THSD7A: variants seen among roughly 807,000 people sequenced by gnomAD.
THSD7A encodes the protein thrombospondin type-1 domain-containing protein 7A.
THSD7A carries 96 observed loss-of-function variants against 231.3 expected under a neutral mutation model. The ratio of observed to expected loss-of-function variants is 0.41; its 90% CI spans 0.35 to 0.49. The LOEUF (loss-of-function observed/expected upper bound fraction) is 0.49. Ranked by LOEUF, THSD7A falls within the 20% of genes least tolerant of loss-of-function variation. THSD7A has a pLI of 0.05. For synonymous variants in THSD7A, 940 were observed against 743.3 expected (o/e 1.26, Z -4.30); for missense variants, 2,290 against 2,070.2 (o/e 1.11, Z -2.06).
intron 4 of THSD7A, among the ~76,000 whole-genome samples, chr7:11,570,659 T>C (rs374712382): frequency 6.6e-6 from 1 of 152,224 alleles, no homozygotes; most frequent in East Asian, 1.9e-4. Context: ...TTTAATATTT[T>C]ACATCATTCA....
intron 1 of THSD7A, among the ~76,000 whole-genome samples, chr7:11,819,931 T>G (rs1356826170): frequency 6.6e-6 from 1 of 152,212 alleles, no homozygotes. Context: ...AAGGCAACTC[T>G]GTACTTTCTG....
intron 1 of THSD7A, among the ~76,000 whole-genome samples, chr7:11,674,853 T>C (rs569015634): frequency 3.5e-4 from 53 of 152,130 alleles, no homozygotes; most frequent in Admixed American, 1.0e-3. Context: ...ATTGAGAATA[T>C]GAATAACGAG....
intron 1 of THSD7A, among the ~76,000 whole-genome samples, chr7:11,753,922 A>G (rs1431845270): frequency 6.6e-6 from 1 of 152,044 alleles, no homozygotes; most frequent in Non-Finnish European, 1.5e-5. Context: ...ACAGAGGCAT[A>G]GAAACTCAAC....
chr7:11,636,615 G>A lies in THSD7A; in HGVS notation c.537C>T (p.Pro179=), dbSNP rs770575157. The A allele has an allele frequency of 7.4e-6, 12 of 1,613,952 alleles. No homozygotes were observed. In the South Asian group the frequency reaches 1.3e-4, roughly 18 times the overall value. The change falls in exon 2 of 28, where the codon CCC becomes CCT. Residue 179 remains proline, a synonymous_variant. Coordinates refer to ENST00000423059, the MANE Select transcript of THSD7A (RefSeq NM_015204.3). The surrounding 1 kb of genome is among the most constrained non-coding windows in gnomAD (Gnocchi z 10.0). ...AEDIICEYFE[P]KPLLEQACLI... ...GGCAAGCCTGCTCCAGGAGAGGCTT[G>A]GGCTCAAAGTACTCACAGATGATAT... is the stretch of plus-strand genomic sequence containing the variant.
At chr7:11,519,961 G>A (rs1488326892) in intron 6 of THSD7A, 2 of 152,026 alleles carry the variant, frequency 1.3e-5, no homozygotes, top group African/African-American at 4.8e-5. Context: ...TTTTCAGAAT[G>A]CATGTGCTCC....
rs954325124 is a variant in THSD7A at position 11,652,500 on chromosome 7, A to G, written c.191-15539T>C. On this transcript the variant is annotated intron_variant, in intron 1 of 27. Transcript: ENST00000423059. ...AATAATTTCTGTCCTACTAAGTGCCATCATCATTATAAAGGATTAGAAGAG... is the reference window on the plus strand; with the variant it reads ...AATAATTTCTGTCCTACTAAGTGCCGTCATCATTATAAAGGATTAGAAGAG... Among the ~76,000 whole-genome samples, 4 of 152,108 alleles carry G rather than the reference A, an allele frequency of 2.6e-5. No individual in the cohort carries two copies. In the East Asian group the frequency reaches 7.8e-4, roughly 30 times the overall value.
chr7:11,566,965 T>TAGCGGGAGGGGGGGGGGGGGGGGG, intron 4 of THSD7A, among the ~76,000 whole-genome samples: 6 of 92,368 alleles, frequency 6.5e-5, no homozygotes, highest in African/African-American at 3.3e-4. Context: ...TGTGGGAGAG[T>TAGCGGGAGGGGGGGGGGGGGGGGG]GGGGGGGGGA....
chr7:11,738,085 G>C (rs9691520), intron 1 of THSD7A, among the ~76,000 whole-genome samples: 28,819 of 151,756 alleles, frequency 0.19, 3,523 homozygotes, highest in African/African-American at 0.34. Flanking sequence ...TTTTCTGTTG[G>C]AATCTAAGTT....
intron 6 of THSD7A, among the ~76,000 whole-genome samples, chr7:11,493,522 T>TA (rs563559152): frequency 1.1e-3 from 165 of 152,220 alleles, no homozygotes; most frequent in African/African-American, 3.8e-3. Flanking sequence ...TCTGATGCAT[T>TA]AGTATGTGGG....
chr7:11,432,352 G>A (rs1294126794), intron 13 of THSD7A, among the ~76,000 whole-genome samples: 1 of 152,020 alleles, frequency 6.6e-6, no homozygotes, highest in Non-Finnish European at 1.5e-5. Context: ...AAAGATATTT[G>A]TTTTAAACTT....
intron 1 of THSD7A, among the ~76,000 whole-genome samples, chr7:11,653,797 G>A (rs953425294): frequency 1.1e-4 from 16 of 151,854 alleles, no homozygotes; most frequent in Non-Finnish European, 1.5e-4. Flanking sequence ...AAAACCCATC[G>A]TAGTCATGTG....
rs959568852 is a variant in THSD7A at position 11,388,199 on chromosome 7, A to C, written c.4412-5583T>G. On this transcript the variant is annotated intron_variant, in intron 23 of 27. Transcript: ENST00000423059. ...GTTGTGTCTTGGTATCAGGATGATG[A>C]TGGCCTCATAAAATGAGGTAGGGAG... Among the ~76,000 whole-genome samples the C allele has an allele frequency of 2.6e-5, 4 of 151,498 alleles. No individual in the cohort carries two copies. In the East Asian group the frequency reaches 7.7e-4, roughly 29 times the overall value.
intron 2 of THSD7A, among the ~76,000 whole-genome samples, chr7:11,604,617 A>G (rs1221827061): frequency 6.6e-6 from 1 of 152,134 alleles, no homozygotes; most frequent in Non-Finnish European, 1.5e-5. Context: ...TGTTTTCTCC[A>G]AGTCATACAG....
intron 1 of THSD7A, among the ~76,000 whole-genome samples, chr7:11,676,844 T>G (rs1021322024): frequency 1.3e-5 from 2 of 152,162 alleles, no homozygotes; most frequent in African/African-American, 4.8e-5. Context: ...GAAAACACAC[T>G]GCAGTGTATT....
intron 6 of THSD7A, among the ~76,000 whole-genome samples, chr7:11,517,877 A>C (rs1338460048): frequency 6.6e-6 from 1 of 152,238 alleles, no homozygotes; most frequent in African/African-American, 2.4e-5. Context: ...AGAGTATTCA[A>C]ATTTACAAAT....
chr7:11,696,591 CCCTCCCCCCG>C, intron 1 of THSD7A, among the ~76,000 whole-genome samples: 1 of 151,154 alleles, frequency 6.6e-6, no homozygotes, highest in African/African-American at 2.4e-5. Flanking sequence ...TCGCCTATCC[CCCTCCCCCCG>C]ACAGGCCCCG....
At chr7:11,388,231 C>T (rs1211164391) in intron 23 of THSD7A, among the ~76,000 whole-genome samples, 4 of 151,988 alleles carry the variant, frequency 2.6e-5, no homozygotes, top group African/African-American at 9.7e-5. Context: ...GGAGGATTCC[C>T]TCTTTTTCTA....
intron 8 of THSD7A, among the ~76,000 whole-genome samples, chr7:11,472,375 G>T (rs1386631658): frequency 6.6e-6 from 1 of 152,092 alleles, no homozygotes; most frequent in African/African-American, 2.4e-5. Flanking sequence ...TTTATTAAGA[G>T]AAGTTTAAAA....
intron 1 of THSD7A, among the ~76,000 whole-genome samples, chr7:11,793,171 AAG>A (rs1286962958): frequency 1.3e-5 from 2 of 151,902 alleles, no homozygotes; most frequent in African/African-American, 4.8e-5. Flanking sequence ...AGACAATTAA[AAG>A]GGGTAAAAAA....
Sources: allele counts gnomAD v4.1 joint callset (sites outside exome capture counted in the v4.1 genomes callset), GRCh38; gene constraint gnomAD v4.1.1; non-coding constraint Gnocchi (gnomAD v3.1); transcripts MANE v1.5; gene names NCBI Gene and HGNC (gene_info 2026-07-23, HGNC 2026-07-21).